Variants in HOMER1 observed in about 807,000 individuals in gnomAD.
HOMER1 encodes the protein homer scaffold protein 1, also known as homer protein homolog 1.
HOMER1 carries 3 observed loss-of-function variants against 48.9 expected under a neutral mutation model. That is an observed-to-expected ratio of 0.06 (90% CI 0.03 to 0.16). HOMER1 has a LOEUF of 0.16. Among genes scored for constraint, HOMER1 ranks in the 10% least tolerant of loss-of-function variants. The pLI, the probability that HOMER1 is intolerant of heterozygous loss-of-function variation, is 1.00. For synonymous variants in HOMER1, 134 were observed against 146.4 expected (o/e 0.92, Z 0.61); for missense variants, 247 against 411.4 (o/e 0.60, Z 3.46).
Position 79,373,671 on chromosome 5 carries a change from C to T in HOMER1, c.*2338G>A, listed in dbSNP as rs1748689180. The T allele has an allele frequency of 6.6e-6, 1 of 151,758 alleles. No homozygotes were observed. Among genetic ancestry groups the T allele is most frequent in the Non-Finnish European group, 1.5e-5 (1 of 67,844 alleles). The allele number at this position is 151,758 out of a possible 1,614,324, so 9.4% of individuals were successfully genotyped here. A position where few individuals can be genotyped will look rare whatever the true frequency, so the allele number is the denominator to read the frequency against. ...TTTTATTTATATGTGCACTTGTGTC[C>T]ACCTTATCCCATATACTGTACATGT... On this transcript the variant is annotated 3_prime_UTR_variant, in exon 9 of 9. Coordinates refer to ENST00000334082, the MANE Select transcript of HOMER1 (RefSeq NM_004272.5).
At chr5:79,424,766 AGATCAGGTTGCTTATTTTT>A (rs1367287382) in intron 5 of HOMER1, among the ~76,000 whole-genome samples, 1 of 152,096 alleles carries the variant, frequency 6.6e-6, no homozygotes, top group Non-Finnish European at 1.5e-5. Context: ...AAGTCCAGGA[AGATCAGGTTGCTTATTTTT>A]GACTATATTT....
intron 8 of HOMER1, among the ~76,000 whole-genome samples, chr5:79,388,344 A>C (rs1049993047): frequency 2.6e-5 from 4 of 152,190 alleles, no homozygotes; most frequent in African/African-American, 9.6e-5. Flanking sequence ...TTGTCTCTGC[A>C]AAAGAGGGTG....
At chr5:79,500,035 T>C (rs1651248948) in intron 1 of HOMER1, among the ~76,000 whole-genome samples, 1 of 152,196 alleles carries the variant, frequency 6.6e-6, no homozygotes, top group Non-Finnish European at 1.5e-5. Flanking sequence ...CTGCCTGATA[T>C]GTGCTGCAGA....
intron 4 of HOMER1, 117 bp downstream of exon 4, chr5:79,446,936 G>A (rs1213610188): frequency 1.4e-5 from 9 of 636,180 alleles, no homozygotes; most frequent in East Asian, 1.2e-4. Flanking sequence ...TTACAGGTGT[G>A]AGCCACCACA....
At chr5:79,438,105 T>C (rs149899852) in intron 5 of HOMER1, among the ~76,000 whole-genome samples, 1 of 152,316 alleles carries the variant, frequency 6.6e-6, no homozygotes, top group Non-Finnish European at 1.5e-5. Context: ...AAAATTCTCA[T>C]GAGAAAGAGG....
chr5:79,472,575 G>A (rs1751652027), intron 1 of HOMER1, among the ~76,000 whole-genome samples: 1 of 148,012 alleles, frequency 6.8e-6, no homozygotes, highest in Admixed American at 6.7e-5. Flanking sequence ...AGGAGTTTAA[G>A]ACCAACCTGG....
intron 1 of HOMER1, among the ~76,000 whole-genome samples, chr5:79,467,106 C>G (rs979401474): frequency 6.6e-6 from 1 of 151,948 alleles, no homozygotes; most frequent in Non-Finnish European, 1.5e-5. Flanking sequence ...ACTTTAAAAA[C>G]AAATGAATTA....
intron 1 of HOMER1, among the ~76,000 whole-genome samples, chr5:79,465,686 A>G (rs1004218952): frequency 7.5e-6 from 1 of 132,926 alleles, no homozygotes; most frequent in Non-Finnish European, 1.5e-5. Context: ...TCCACCTCCC[A>G]GGTTCACGCC....
At chr5:79,444,355 C>T in intron 4 of HOMER1, among the ~76,000 whole-genome samples, 1 of 152,134 alleles carries the variant, frequency 6.6e-6, no homozygotes, top group South Asian at 2.1e-4. Flanking sequence ...AGGTGCATAC[C>T]ATGCCTGGCT....
At chr5:79,456,350 G>A (rs1358333460) in intron 2 of HOMER1, among the ~76,000 whole-genome samples, 3 of 152,124 alleles carry the variant, frequency 2.0e-5, no homozygotes, top group Non-Finnish European at 4.4e-5. Context: ...CTGAACCCAG[G>A]CAGTCCTTGC....
chr5:79,434,725 A>C (rs1750527057), intron 5 of HOMER1, among the ~76,000 whole-genome samples: 2 of 146,522 alleles, frequency 1.4e-5, no homozygotes, highest in Non-Finnish European at 3.0e-5. Flanking sequence ...TTATTCAATA[A>C]GAATGTTTTT....
chr5:79,493,064 A>G (rs542297609), intron 1 of HOMER1, among the ~76,000 whole-genome samples: 131 of 152,012 alleles, frequency 8.6e-4, no homozygotes, highest in Non-Finnish European at 1.4e-3. Flanking sequence ...AACTACAGGC[A>G]TGCACCACCA....
At chr5:79,435,999 G>C (rs1197567699) in intron 5 of HOMER1, among the ~76,000 whole-genome samples, 1 of 149,230 alleles carries the variant, frequency 6.7e-6, no homozygotes, top group African/African-American at 2.5e-5. Flanking sequence ...GGTGGCGGGC[G>C]CCTGTAGTCC....
chr5:79,395,220 G>A (rs780445232), intron 8 of HOMER1, among the ~76,000 whole-genome samples: 8 of 152,078 alleles, frequency 5.3e-5, no homozygotes, highest in Non-Finnish European at 7.4e-5. Flanking sequence ...TTGAATCATC[G>A]CAAGTACCCG....
rs562491443 is a variant in HOMER1, at chr5:79,411,552, T to C, written c.528-9497A>G. 8.5e-4 allele frequency among the ~76,000 whole-genome samples: 129 copies of C among 152,270 alleles called. 1 individual carries two copies. Among genetic ancestry groups the C allele is most frequent in the Admixed American group, 1.4e-3 (22 of 15,288 alleles). On this transcript the variant is annotated intron_variant, in intron 5 of 8. Transcript: ENST00000334082. ...ATATTAAACTTCATTAAATTAGCTA[T>C]GTAAAATCAAGAAGAAAAAGTACTT...
chr5:79,393,609 G>T (rs1289579031), intron 8 of HOMER1, among the ~76,000 whole-genome samples: 2 of 152,198 alleles, frequency 1.3e-5, no homozygotes, highest in Non-Finnish European at 2.9e-5. Flanking sequence ...TGGGTACCCT[G>T]CTTTTCCAGA....
chr5:79,432,394 T>C (rs1427469409), intron 5 of HOMER1, among the ~76,000 whole-genome samples: 2 of 152,184 alleles, frequency 1.3e-5, no homozygotes, highest in Admixed American at 1.3e-4. Flanking sequence ...GCTAGTCTTC[T>C]TGAAAAGAGA....
At chr5:79,506,849 C>CA (rs895326142) in intron 1 of HOMER1, among the ~76,000 whole-genome samples, 10 of 135,216 alleles carry the variant, frequency 7.4e-5, no homozygotes, top group Admixed American at 2.8e-4. Context: ...ACCAAACAAA[C>CA]AAAAAAATAT....
At chr5:79,502,439 T>C (rs1377333138) in intron 1 of HOMER1, among the ~76,000 whole-genome samples, 2 of 152,174 alleles carry the variant, frequency 1.3e-5, no homozygotes, top group African/African-American at 4.8e-5. Flanking sequence ...TAAAACTTAA[T>C]ATGTTCATTA....
Sources: allele counts gnomAD v4.1 joint callset (sites outside exome capture counted in the v4.1 genomes callset), GRCh38; gene constraint gnomAD v4.1.1; transcripts MANE v1.5; gene names NCBI Gene and HGNC (gene_info 2026-07-23, HGNC 2026-07-21).